PMEPA1: variants seen among roughly 807,000 people sequenced by gnomAD.
The protein encoded by PMEPA1 is protein TMEPAI.
Under a neutral mutation model 23.0 loss-of-function variants are expected in PMEPA1, and 11 were observed. The observed-to-expected ratio is 0.48, with a 90% CI of 0.30 to 0.79. The LOEUF (loss-of-function observed/expected upper bound fraction) is 0.79, where lower values mean the gene tolerates loss of function less well. Ranked by LOEUF, PMEPA1 falls within the 30% of genes least tolerant of loss-of-function variation. The pLI is 0.06. For synonymous variants in PMEPA1, 204 were observed against 166.4 expected, an observed-to-expected ratio of 1.23 and a Z score of -1.74; for missense variants, 377 against 390.9, an observed-to-expected ratio of 0.96 and a Z score of 0.30.
At chr20:57,690,533 A>C in intron 1 of PMEPA1, 2 of 1,297,144 alleles carry the variant, frequency 1.5e-6, no homozygotes, top group Non-Finnish European at 1.0e-6. Context: ...AGCAAAAAAG[A>C]AGGATTAATT....
chr20:57,670,907 G>A (rs1257957346), intron 1 of PMEPA1, among the ~76,000 whole-genome samples: 1 of 150,872 alleles, frequency 6.6e-6, no homozygotes, highest in Middle Eastern at 3.2e-3. Flanking sequence ...CTTCCCCACC[G>A]CCCCCCCAAC....
Position 57,651,933 on chromosome 20 carries a change from G to T in PMEPA1, c.*120C>A. On this transcript the variant is annotated 3_prime_UTR_variant, in exon 4 of 4. Coordinates refer to ENST00000341744, the MANE Select transcript of PMEPA1 (RefSeq NM_020182.5). ...TAAATATTTATACACAGGGAGGTGGGAGGGGAGGGCCACACGATGCGTTGC... is the reference window on the plus strand; with the variant it reads ...TAAATATTTATACACAGGGAGGTGGTAGGGGAGGGCCACACGATGCGTTGC... 1.4e-6 allele frequency: 1 copy of T among 690,862 alleles called. No individual in the cohort carries two copies. Among genetic ancestry groups the T allele is most frequent in the Non-Finnish European group, 2.3e-6 (1 of 439,366 alleles). 42.8% of individuals were successfully genotyped at this position (690,862 alleles called of 1,614,324 possible).
At chr20:57,693,632 C>T (rs902346431) in intron 1 of PMEPA1, among the ~76,000 whole-genome samples, 6 of 152,190 alleles carry the variant, frequency 3.9e-5, no homozygotes, top group African/African-American at 7.2e-5. Context: ...CATGAGGAGG[C>T]TAAATAATAA....
chr20:57,693,740 G>A (rs776300239), intron 1 of PMEPA1, among the ~76,000 whole-genome samples: 8 of 151,972 alleles, frequency 5.3e-5, no homozygotes, highest in South Asian at 2.1e-4. Flanking sequence ...AGGGAACATC[G>A]AGATCTTGGT....
At chr20:57,690,748 C>T (rs186574135) in intron 1 of PMEPA1, 14 of 351,424 alleles carry the variant, frequency 4.0e-5, no homozygotes, top group South Asian at 5.8e-5. Flanking sequence ...CCCCACCTGC[C>T]GGAAGTCTGG....
intron 1 of PMEPA1, among the ~76,000 whole-genome samples, chr20:57,669,702 A>G (rs927375650): frequency 6.6e-6 from 1 of 152,206 alleles, no homozygotes; most frequent in Non-Finnish European, 1.5e-5. Flanking sequence ...ACCTATATTT[A>G]TGAGTGACTG....
chr20:57,680,253 T>C (rs535427947), intron 1 of PMEPA1, among the ~76,000 whole-genome samples: 38 of 152,316 alleles, frequency 2.5e-4, no homozygotes, highest in Admixed American at 5.9e-4. Flanking sequence ...AGGAGCCGCT[T>C]TGGGGAGTCC....
In PMEPA1 at chr20:57,651,263, T is replaced by A. The variant is rs1423876278; in HGVS notation, c.*790A>T. ...AGAAGCATCCACTCTGCAGGGACAG[T>A]GGCCCCTCGGGAAAGCCCGCCGCTC... On this transcript the variant is annotated 3_prime_UTR_variant, in exon 4 of 4. Coordinates refer to ENST00000341744, the MANE Select transcript of PMEPA1 (RefSeq NM_020182.5). The A allele has an allele frequency of 2.0e-5, 3 of 152,350 alleles. No individual in the cohort carries two copies. Among genetic ancestry groups the A allele is most frequent in the Non-Finnish European group, 4.4e-5 (3 of 68,036 alleles). The allele number at this position is 152,350 out of a possible 1,614,324, so 9.4% of individuals were successfully genotyped here. A position where few individuals can be genotyped will look rare whatever the true frequency, so the allele number is the denominator to read the frequency against.
chr20:57,691,585 G>A (rs1238356988), intron 1 of PMEPA1, among the ~76,000 whole-genome samples: 3 of 152,188 alleles, frequency 2.0e-5, no homozygotes, highest in African/African-American at 7.2e-5. Flanking sequence ...TGCTTCCTCA[G>A]GGATGGGGTA....
chr20:57,710,390 G>A, upstream of PMEPA1: 3 of 1,524,828 alleles, frequency 2.0e-6, no homozygotes, highest in Non-Finnish European at 2.7e-6. Context: ...CTTCTGAGGA[G>A]CACAAGGTCC....
chr20:57,692,050 G>C (rs1489220848), intron 1 of PMEPA1, among the ~76,000 whole-genome samples: 2 of 152,168 alleles, frequency 1.3e-5, no homozygotes, highest in African/African-American at 2.4e-5. Context: ...AGGTCCCGGG[G>C]CTTACGGAGC....
intron 1 of PMEPA1, among the ~76,000 whole-genome samples, 197 bp downstream of exon 1, chr20:57,709,277 G>T (rs1340184315): frequency 6.8e-6 from 1 of 147,696 alleles, no homozygotes; most frequent in Non-Finnish European, 1.5e-5. Flanking sequence ...GGCTCGCAGC[G>T]CCGCGGGACA....
chr20:57,700,913 C>T (rs1221282590), intron 1 of PMEPA1, among the ~76,000 whole-genome samples: 1 of 151,868 alleles, frequency 6.6e-6, no homozygotes, highest in Admixed American at 6.6e-5. Context: ...GCCTGTAGTC[C>T]CAGCTACTTG....
At chr20:57,694,116 G>A (rs764527740) in intron 1 of PMEPA1, among the ~76,000 whole-genome samples, 3 of 152,268 alleles carry the variant, frequency 2.0e-5, no homozygotes, top group Non-Finnish European at 4.4e-5. Context: ...CATTAGAATC[G>A]AGTTGCCCCT....
rs1401580371 is a variant in PMEPA1, at chr20:57,651,435, A to T, written c.*618T>A. ...CACTGACATATTTATATTAAAAAAT[A>T]GTGCAAAATCTCAACATTTATATAA... On this transcript the variant is annotated 3_prime_UTR_variant, in exon 4 of 4. Coordinates refer to ENST00000341744, the MANE Select transcript of PMEPA1 (RefSeq NM_020182.5). 1 of 152,698 alleles carries T rather than the reference A, an allele frequency of 6.5e-6. No individual in the cohort carries two copies. Among genetic ancestry groups the T allele is most frequent in the Non-Finnish European group, 1.5e-5 (1 of 68,046 alleles). 9.5% of individuals were successfully genotyped at this position (152,698 alleles called of 1,614,324 possible).
chr20:57,652,144 C>G lies in PMEPA1; in HGVS notation c.773G>C (p.Gly258Ala), dbSNP rs909072074. 8.8e-6 allele frequency: 14 copies of G among 1,599,210 alleles called. No homozygotes were observed. The highest frequency in any genetic ancestry group is 1.0e-5 in the Non-Finnish European group (12 of 1,172,932). The change falls in exon 4 of 4, where the codon GGG (glycine) becomes GCG (alanine). Residue 258 changes from glycine (G) to alanine (A), a missense_variant. Transcript: ENST00000341744. The surrounding 1 kb of genome is among the most constrained non-coding windows in gnomAD (Gnocchi z 6.1). Reference protein sequence around the residue: ...QSSGPPSLLEGTRLHHTHIAP... With the variant: ...QSSGPPSLLEATRLHHTHIAP... Reference sequence around the variant, plus strand: ...GATGTGTGTGTGGTGGAGCCGGGTCCCCTCCAGCAAGGAGGGCGGCCCACT... The same window carrying G: ...GATGTGTGTGTGGTGGAGCCGGGTCGCCTCCAGCAAGGAGGGCGGCCCACT...
chr20:57,680,980 G>A (rs1036364043), intron 1 of PMEPA1, among the ~76,000 whole-genome samples: 3 of 152,142 alleles, frequency 2.0e-5, no homozygotes, highest in Admixed American at 6.5e-5. Context: ...CCCACGGGTC[G>A]GGGCCGGGTC....
rs1463388165 is a variant in PMEPA1 at position 57,709,697 on chromosome 20, G to GCGCCCCGGCT, written c.-125_-116dup. On this transcript the variant is annotated 5_prime_UTR_variant, in exon 1 of 4. Transcript: ENST00000341744. ...GCAGGAGGCGCGCGGCGGGGGAGGC[G>GCGCCCCGGCT]CGCCCCGGCTCGCCGGGCTCGGGTC... 8 of 977,898 alleles carry GCGCCCCGGCT rather than the reference G, an allele frequency of 8.2e-6. No homozygotes were observed. The East Asian group carries it at 5.9e-4, about 72-fold the overall frequency. The allele number at this position is 977,898 out of a possible 1,614,324, so 60.6% of individuals were successfully genotyped here. A position where few individuals can be genotyped will look rare whatever the true frequency, so the allele number is the denominator to read the frequency against.
rs1485581539 is a variant in PMEPA1, at chr20:57,682,658, T to A, written c.110-22961A>T. ...ACCCACACTCCTCCAGTTTTTGATT[T>A]AAAAAAAATCCCTGAAACAGCACCC... On this transcript the variant is annotated intron_variant, in intron 1 of 3. Coordinates refer to ENST00000341744, the MANE Select transcript of PMEPA1 (RefSeq NM_020182.5). This position sits in a 1 kb window ranked among gnomAD's most constrained non-coding sequence, Gnocchi z 4.4. Among the ~76,000 whole-genome samples the A allele has an allele frequency of 2.0e-5, 3 of 151,712 alleles. 1 individual carries two copies. The highest frequency in any genetic ancestry group is 7.3e-5 in the African/African-American group (3 of 41,228).
Sources: gnomAD v4.1 joint callset for allele counts (sites outside exome capture counted in the v4.1 genomes callset) on GRCh38, gnomAD v4.1.1 for gene constraint, Gnocchi (gnomAD v3.1) non-coding constraint, MANE v1.5 for transcripts, NCBI Gene and HGNC (gene_info 2026-07-23, HGNC 2026-07-21) for gene names.